The following PPM1F variants were observed in gnomAD, a reference collection of about 807,000 sequenced individuals.
PPM1F encodes protein phosphatase 1F.
PPM1F carries 17 observed loss-of-function variants against 35.5 expected under a neutral mutation model. The ratio of observed to expected loss-of-function variants is 0.48; its 90% CI spans 0.33 to 0.72. The LOEUF (loss-of-function observed/expected upper bound fraction) is 0.72. Ranked by LOEUF, PPM1F falls within the 30% of genes least tolerant of loss-of-function variation. PPM1F has a pLI of 0.02. For missense variants in PPM1F, 521 were observed against 613.0 expected (o/e 0.85, Z 1.59); for synonymous variants, 241 against 255.5 (o/e 0.94, Z 0.54).
At chr22:21,949,012 C>T (rs1385931626) in intron 1 of PPM1F, 1 of 152,370 alleles carries the variant, frequency 6.6e-6, no homozygotes, top group Non-Finnish European at 1.5e-5. Flanking sequence ...AGGGTGGCTC[C>T]TCCTGTCTGC....
chr22:21,931,181 C>T lies in PPM1F; in HGVS notation c.858G>A (p.Val286=), dbSNP rs761217532. 1.9e-6 allele frequency: 3 copies of T among 1,614,198 alleles called. No individual in the cohort carries two copies. The highest frequency in any genetic ancestry group is 2.5e-6 in the Non-Finnish European group (3 of 1,180,044). ...QVILVQQGQV[V]KLMEPHRPER... ...CTGGTCTGTGTGGCTCCATCAGCTTCACCACCTGTCCCTGCTGTACCAAAA... is the reference window on the plus strand; with the variant it reads ...CTGGTCTGTGTGGCTCCATCAGCTTTACCACCTGTCCCTGCTGTACCAAAA... The change falls in exon 6 of 8, where the codon GTG becomes GTA. Residue 286 remains valine (V), a synonymous_variant. Coordinates refer to ENST00000263212, the MANE Select transcript of PPM1F (RefSeq NM_014634.4).
chr22:21,940,955 G>A (rs570307497), intron 2 of PPM1F: 1 of 152,412 alleles, frequency 6.6e-6, no homozygotes, highest in Non-Finnish European at 1.5e-5. Context: ...CTGGAGCACA[G>A]CTGTGCAATC....
In PPM1F at chr22:21,922,721, G is replaced by A. The variant is rs2070460866; in HGVS notation, c.*371C>T. ...GGGTGCTTCAAGAGTTTGGCTCCTG[G>A]GTCCGCCCCAGGGTCCCACGTGCAC... On this transcript the variant is annotated 3_prime_UTR_variant, in exon 8 of 8. Transcript: ENST00000263212. 1 of 182,984 alleles carries A rather than the reference G, an allele frequency of 5.5e-6. No homozygotes were observed. Among genetic ancestry groups the A allele is most frequent in the African/African-American group, 2.3e-5 (1 of 42,632 alleles). 11.3% of individuals were successfully genotyped at this position (182,984 alleles called of 1,614,324 possible).
intron 4 of PPM1F, among the ~76,000 whole-genome samples, 154 bp from the exon 5 acceptor site, chr22:21,933,733 A>G (rs1204464690): frequency 6.6e-6 from 1 of 152,172 alleles, no homozygotes; most frequent in East Asian, 1.9e-4. Flanking sequence ...GGAAAAGGAC[A>G]GCTCGCGGGA....
intron 1 of PPM1F, 135 bp from the exon 2 acceptor site, chr22:21,946,243 G>A (rs1239300248): frequency 4.4e-6 from 2 of 458,334 alleles, no homozygotes; most frequent in Non-Finnish European, 7.7e-6. Flanking sequence ...GACAACCCTG[G>A]CCACTGTTTT....
Position 21,933,491 on chromosome 22 carries a change from T to C in PPM1F, c.647A>G (p.Asn216Ser), listed in dbSNP as rs375506131. Residue 216 changes from asparagine (N) to serine (S), a missense_variant, in exon 5 of 8, where the codon AAC (asparagine) becomes AGC (serine). Physicochemically the swap from Asn to Ser is conservative, Grantham distance 46. Coordinates refer to ENST00000263212, the MANE Select transcript of PPM1F (RefSeq NM_014634.4). ...ARYAAVHVHT[N>S]AARQPELPTD... ...GGGCAGCTCTGGCTGGCGGGCAGCG[T>C]TGGTGTGCACGTGGACAGCGGCGTA... 5.2e-5 allele frequency: 84 copies of C among 1,613,416 alleles called. No homozygotes were observed. Among genetic ancestry groups the C allele is most frequent in the Middle Eastern group, 1.6e-4 (1 of 6,082 alleles).
At chr22:21,947,528 T>C (rs1057009627) in intron 1 of PPM1F, 16 of 152,230 alleles carry the variant, frequency 1.1e-4, no homozygotes, top group African/African-American at 3.6e-4. Context: ...TGCATTCTTT[T>C]ATGGTGACAA....
rs2070634565 is a variant in PPM1F at position 21,934,422 on chromosome 22, C to T, written c.356-196G>A. 8 of 568,036 alleles carry T rather than the reference C, an allele frequency of 1.4e-5. No individual in the cohort carries two copies. The South Asian group carries it at 1.7e-4, about 12-fold the overall frequency. The allele number at this position is 568,036 out of a possible 1,614,324, so 35.2% of individuals were successfully genotyped here. On this transcript the variant is annotated intron_variant, in intron 3 of 7. Transcript: ENST00000263212. ...AAATGTCTAGTTTGGCAACTTGCCC[C>T]TTGAAGTCTCCCATCCCACCATGGA...
chr22:21,919,649 G>A lies in PPM1F; in HGVS notation c.*3443C>T, dbSNP rs141909761. The A allele has an allele frequency of 0.012, 1,855 of 152,310 alleles. 18 individuals carry two copies. The highest frequency in any genetic ancestry group is 0.017 in the Non-Finnish European group (1,175 of 68,032). The allele number at this position is 152,310 out of a possible 1,614,324, so 9.4% of individuals were successfully genotyped here. A position where few individuals can be genotyped will look rare whatever the true frequency, so the allele number is the denominator to read the frequency against. ...CACTGCACCGGAATGGCAGAGCTCC[G>A]TGCATTTGGCAAAGCTATGGAGCCT... is the stretch of plus-strand genomic sequence containing the variant. On this transcript the variant is annotated 3_prime_UTR_variant, in exon 8 of 8. Coordinates refer to ENST00000263212, the MANE Select transcript of PPM1F (RefSeq NM_014634.4).
chr22:21,925,250 G>A (rs1215074343), intron 7 of PPM1F: 2 of 411,178 alleles, frequency 4.9e-6, no homozygotes, highest in Non-Finnish European at 8.6e-6. Flanking sequence ...CGCGGGAGGA[G>A]GATAAACCTC....
At position 21,923,239 on chromosome 22, in the gene PPM1F, G is replaced by A. The variant is rs1569124843; in HGVS notation, c.1218C>T (p.Ile406=). The A allele has an allele frequency of 6.2e-7, 1 of 1,613,406 alleles. No individual in the cohort carries two copies. The highest frequency in any genetic ancestry group is 8.5e-7 in the Non-Finnish European group (1 of 1,179,958). Residue 406 remains isoleucine, a synonymous_variant, in exon 8 of 8, where the codon ATC becomes ATT. Coordinates refer to ENST00000263212, the MANE Select transcript of PPM1F (RefSeq NM_014634.4). ...AARERGSHDN[I]TVMVVFLRDP... The stretch of plus-strand genomic sequence containing the variant: ...CCCTGAGGAAGACCACCATGACCGT[G>A]ATGTTGTCGTGGGAGCCCCGCTCCC...
chr22:21,933,880 A>C, intron 4 of PPM1F, 144 bp downstream of exon 4: 1 of 828,890 alleles, frequency 1.2e-6, no homozygotes, highest in South Asian at 1.8e-5. Context: ...TGCCCTTCTT[A>C]GTCTCTTGCT....
rs1212686270 is a variant in PPM1F, at chr22:21,939,337, A to G, written c.355+195T>C. 2 of 671,244 alleles carry G rather than the reference A, an allele frequency of 3.0e-6. No homozygotes were observed. The highest frequency in any genetic ancestry group is 1.8e-5 in the African/African-American group (1 of 54,868). The allele number at this position is 671,244 out of a possible 1,614,324, so 41.6% of individuals were successfully genotyped here. A position where few individuals can be genotyped will look rare whatever the true frequency, so the allele number is the denominator to read the frequency against. On this transcript the variant is annotated intron_variant, in intron 3 of 7. Coordinates refer to ENST00000263212, the MANE Select transcript of PPM1F (RefSeq NM_014634.4). This position sits in a 1 kb window ranked among gnomAD's most constrained non-coding sequence, Gnocchi z 5.1. ...TCGTGGGCTGACTGGGAACTATATG[A>G]CCTGTGGAGGGCTGTGACCGCCACC...
chr22:21,930,294 AT>A (rs2070573743), intron 6 of PPM1F, among the ~76,000 whole-genome samples: 1 of 152,306 alleles, frequency 6.6e-6, no homozygotes, highest in East Asian at 1.9e-4. Context: ...AGCTTGGCAA[AT>A]CTACCCAGAC....
intron 4 of PPM1F, 86 bp from the exon 5 acceptor site, chr22:21,933,665 G>C: frequency 1.6e-6 from 2 of 1,267,478 alleles, no homozygotes; most frequent in South Asian, 1.3e-5. Context: ...ATGGGGTAGA[G>C]TCTGGGAGAA....
Position 21,934,195 on chromosome 22 carries a change from G to T in PPM1F, c.387C>A (p.Phe129Leu), listed in dbSNP as rs1292853417. Reference protein sequence around the residue: ...LLDAQSLAQSFFNRLWEVAGQ... With the variant: ...LLDAQSLAQSLFNRLWEVAGQ... ...CGGCGACTTCCCAAAGGCGGTTAAAGAAACTCTGTGCCAGGCTTTGGGCAT... is the reference window on the plus strand; with the variant it reads ...CGGCGACTTCCCAAAGGCGGTTAAATAAACTCTGTGCCAGGCTTTGGGCAT... The change falls in exon 4 of 8, where the codon TTC (phenylalanine) becomes TTA (leucine). Residue 129 changes from phenylalanine (F) to leucine (L), a missense_variant. Physicochemically the swap from Phe to Leu is conservative, Grantham distance 22. This residue lies in a region of PPM1F where 311 missense variants were observed against 351.5 expected (regional missense o/e 0.88). Transcript: ENST00000263212. 6.3e-7 allele frequency: 1 copy of T among 1,576,046 alleles called. No homozygotes were observed.
At chr22:21,946,241 T>G in intron 1 of PPM1F, 133 bp from the exon 2 acceptor site, 1 of 458,884 alleles carries the variant, frequency 2.2e-6, no homozygotes, top group Non-Finnish European at 3.8e-6. Flanking sequence ...GGGACAACCC[T>G]GGCCACTGTT....
At chr22:21,951,920 A>G (rs1162069895) in intron 1 of PPM1F, 1 of 152,210 alleles carries the variant, frequency 6.6e-6, no homozygotes, top group African/African-American at 2.4e-5. Flanking sequence ...GCGAAATTTG[A>G]CAACAGAAGA....
chr22:21,935,270 A>G (rs2070646065), intron 3 of PPM1F: 3 of 152,248 alleles, frequency 2.0e-5, no homozygotes, highest in Non-Finnish European at 4.4e-5. Flanking sequence ...ATATGCTTCC[A>G]TTTATATGTG....
Sources: gnomAD v4.1 joint callset for allele counts (sites outside exome capture counted in the v4.1 genomes callset) on GRCh38, gnomAD v4.1.1 for gene constraint, gnomAD v4.1.1 regional missense constraint, Gnocchi (gnomAD v3.1) non-coding constraint, MANE v1.5 for transcripts, NCBI Gene and HGNC (gene_info 2026-07-23, HGNC 2026-07-21) for gene names.